Variants in ZFHX3 observed in about 807,000 individuals in gnomAD.
The protein encoded by ZFHX3 is zinc finger homeobox 3, also known as zinc finger homeobox protein 3.
Under a neutral mutation model 279.1 loss-of-function variants are expected in ZFHX3, and 42 were observed. That is an observed-to-expected ratio of 0.15 (90% CI 0.12 to 0.19). The LOEUF is 0.19. ZFHX3 is among the 10% of genes least tolerant of loss of function. The pLI is 1.00. For synonymous variants in ZFHX3, 2,293 were observed against 1,957.8 expected (o/e 1.17, Z -4.52); for missense variants, 4,981 against 4,754.0 (o/e 1.05, Z -1.40).
At chr16:73,769,484 C>A (rs898988574) in intron 1 of ZFHX3, among the ~76,000 whole-genome samples, 1 of 152,010 alleles carries the variant, frequency 6.6e-6, no homozygotes, top group Non-Finnish European at 1.5e-5. Flanking sequence ...TTAATAGTAC[C>A]ATGCTACCAT....
intron 1 of ZFHX3, among the ~76,000 whole-genome samples, chr16:73,759,954 C>G (rs2053846355): frequency 6.9e-6 from 1 of 145,894 alleles, no homozygotes; most frequent in Admixed American, 6.8e-5. Context: ...CAGAGGGGAA[C>G]TAAAGGAGAT....
chr16:73,365,540 T>C (rs2016514787), intron 3 of ZFHX3, among the ~76,000 whole-genome samples: 3 of 152,178 alleles, frequency 2.0e-5, no homozygotes, highest in South Asian at 2.1e-4. Context: ...CAGTGACATA[T>C]AGAGGAGCAC....
intron 5 of ZFHX3, among the ~76,000 whole-genome samples, chr16:72,816,956 C>G (rs1051685959): frequency 1.3e-5 from 2 of 152,266 alleles, no homozygotes; most frequent in East Asian, 3.9e-4. Flanking sequence ...TTAAAAGTTA[C>G]CCCTCTACTC....
chr16:73,269,959 G>A (rs2014095240), intron 4 of ZFHX3, among the ~76,000 whole-genome samples: 1 of 151,878 alleles, frequency 6.6e-6, no homozygotes, highest in African/African-American at 2.4e-5. Flanking sequence ...TGTTGGCCAG[G>A]GTGGTCTCGA....
chr16:73,124,780 C>T (rs549147676), intron 7 of ZFHX3, among the ~76,000 whole-genome samples: 9 of 152,234 alleles, frequency 5.9e-5, no homozygotes, highest in African/African-American at 2.2e-4. Context: ...AAGGACAGGG[C>T]ATGGTGACGA....
At chr16:72,886,634 A>G (rs2038628811) in intron 4 of ZFHX3, among the ~76,000 whole-genome samples, 1 of 152,194 alleles carries the variant, frequency 6.6e-6, no homozygotes, top group Non-Finnish European at 1.5e-5. Context: ...GATGATTAAA[A>G]CAATGATGTA....
At chr16:73,253,040 T>C (rs944241148) in intron 5 of ZFHX3, among the ~76,000 whole-genome samples, 4 of 152,162 alleles carry the variant, frequency 2.6e-5, no homozygotes, top group Admixed American at 2.0e-4. Context: ...CAGCATTCAT[T>C]GCAGGTCATG....
At chr16:73,579,130 CG>C (rs2051830965) in intron 2 of ZFHX3, among the ~76,000 whole-genome samples, 1 of 152,200 alleles carries the variant, frequency 6.6e-6, no homozygotes, top group Admixed American at 6.5e-5. Context: ...AACCTCTTCT[CG>C]TAACCCAGAC....
At chr16:73,025,952 G>C (rs1181357629) in intron 1 of ZFHX3, among the ~76,000 whole-genome samples, 1 of 152,074 alleles carries the variant, frequency 6.6e-6, no homozygotes, top group African/African-American at 2.4e-5. Flanking sequence ...ACAGGATTGA[G>C]ACAAGTTATG....
chr16:73,101,050 T>TC (rs1966225096), intron 7 of ZFHX3, among the ~76,000 whole-genome samples: 1 of 152,170 alleles, frequency 6.6e-6, no homozygotes, highest in Non-Finnish European at 1.5e-5. Flanking sequence ...CCCCTGTTCA[T>TC]TCTCAAACCA....
intron 3 of ZFHX3, among the ~76,000 whole-genome samples, chr16:73,397,092 C>T (rs533885966): frequency 6.6e-6 from 1 of 152,330 alleles, no homozygotes; most frequent in African/African-American, 2.4e-5. Context: ...TATTTGGGGA[C>T]ATCTTTGTCA....
chr16:72,961,154 T>TC (rs1465532641), intron 1 of ZFHX3, among the ~76,000 whole-genome samples: 2 of 152,068 alleles, frequency 1.3e-5, no homozygotes, highest in Non-Finnish European at 2.9e-5. Flanking sequence ...GGGAGTGCGT[T>TC]CCCCACGTGC....
At chr16:73,463,805 G>A (rs1271904000) in intron 2 of ZFHX3, among the ~76,000 whole-genome samples, 8 of 152,188 alleles carry the variant, frequency 5.3e-5, no homozygotes, top group Non-Finnish European at 8.8e-5. Context: ...AACAGAAGGG[G>A]CGTTCGTTAC....
At chr16:73,632,423 C>T (rs184391624) in intron 2 of ZFHX3, among the ~76,000 whole-genome samples, 1,654 of 152,274 alleles carry the variant, frequency 0.011, 29 homozygotes, top group African/African-American at 0.037. Flanking sequence ...TGGCTCACGC[C>T]TGTAATCCCA....
At chr16:73,060,686 C>A (rs1224352582), upstream of ZFHX3, 1 of 152,120 alleles carries the variant, frequency 6.6e-6, no homozygotes, top group East Asian at 1.9e-4. Context: ...GCAATCAGCA[C>A]TTTAAGTAAT....
chr16:73,723,557 G>GA (rs950069645), intron 1 of ZFHX3, among the ~76,000 whole-genome samples: 2 of 151,728 alleles, frequency 1.3e-5, no homozygotes, highest in African/African-American at 4.8e-5. Context: ...AATACAATTA[G>GA]AAAAAAAATG....
chr16:73,066,872 C>T (rs1965762084), intron 8 of ZFHX3, among the ~76,000 whole-genome samples: 1 of 152,102 alleles, frequency 6.6e-6, no homozygotes, highest in Non-Finnish European at 1.5e-5. Context: ...CGCCCTCCTC[C>T]CCCCAGCCCC....
intron 3 of ZFHX3, among the ~76,000 whole-genome samples, chr16:73,352,394 G>A (rs182710633): frequency 5.1e-4 from 77 of 151,596 alleles, no homozygotes; most frequent in African/African-American, 1.5e-3. Context: ...TGAGGATAAC[G>A]GCTCCTGTGG....
chr16:73,009,385 T>C (rs1384356112), intron 1 of ZFHX3, among the ~76,000 whole-genome samples: 1 of 152,076 alleles, frequency 6.6e-6, no homozygotes, highest in African/African-American at 2.4e-5. Flanking sequence ...ACACAACAGA[T>C]TACATTGTAT....
Sources: allele counts gnomAD v4.1 joint callset (sites outside exome capture counted in the v4.1 genomes callset), GRCh38; gene constraint gnomAD v4.1.1; transcripts MANE v1.5; gene names NCBI Gene and HGNC (gene_info 2026-07-23, HGNC 2026-07-21).